Variants in DLG2 observed in about 807,000 individuals in gnomAD.
DLG2 encodes discs large MAGUK scaffold protein 2.
Under a neutral mutation model 132.5 loss-of-function variants are expected in DLG2, and 45 were observed. That is an observed-to-expected ratio of 0.34 (90% CI 0.27 to 0.44). The LOEUF (loss-of-function observed/expected upper bound fraction) is 0.44. DLG2 is among the 20% of genes least tolerant of loss of function. DLG2 has a pLI of 1.00. For synonymous variants in DLG2, 424 were observed against 419.6 expected (o/e 1.01, Z -0.13); for missense variants, 1,045 against 1,196.9 (o/e 0.87, Z 1.87).
chr11:84,923,644 C>T, intron 6 of DLG2: 3 of 958,578 alleles, frequency 3.1e-6, no homozygotes, highest in Non-Finnish European at 3.7e-6. Context: ...CACTATATTC[C>T]AGGCTATTCT....
chr11:83,786,492 G>T (rs768600065), intron 18 of DLG2, 198 bp downstream of exon 18: 17 of 538,122 alleles, frequency 3.2e-5, no homozygotes, highest in Admixed American at 6.1e-5. Flanking sequence ...CTTTCTAACT[G>T]CTTGATATTT....
rs537183400 is a variant in DLG2, at chr11:85,603,480, C to T, written c.-92-4692G>A. On this transcript the variant is annotated intron_variant, in intron 2 of 27. Transcript: ENST00000376104. ...TCATTTCCTCATTAAAGTCTGCCGA[C>T]ATTTTTCGGGAAACCTACAAGTGCT... Among the ~76,000 whole-genome samples the T allele has an allele frequency of 7.2e-5, 11 of 151,974 alleles. 1 individual carries two copies. The highest frequency in any genetic ancestry group is 2.4e-4 in the African/African-American group (10 of 41,488).
intron 6 of DLG2, among the ~76,000 whole-genome samples, chr11:84,844,129 G>GTA (rs1566125279): frequency 8.1e-4 from 21 of 25,938 alleles, no homozygotes; most frequent in African/African-American, 2.2e-3. Context: ...GTGTGTGTGT[G>GTA]TGTGTGTATA....
At chr11:83,624,010 G>A (rs1217347884) in intron 19 of DLG2, among the ~76,000 whole-genome samples, 3 of 152,218 alleles carry the variant, frequency 2.0e-5, no homozygotes, top group Admixed American at 1.3e-4. Context: ...GAGATTTCTG[G>A]AAATATGATT....
chr11:85,219,534 G>C (rs2082869240), intron 4 of DLG2, among the ~76,000 whole-genome samples: 1 of 151,804 alleles, frequency 6.6e-6, no homozygotes, highest in African/African-American at 2.4e-5. Context: ...GAGGGTTCTA[G>C]AGGAGGATAT....
intron 7 of DLG2, among the ~76,000 whole-genome samples, chr11:84,371,255 A>G (rs2098705199): frequency 7.1e-6 from 1 of 141,692 alleles, no homozygotes; most frequent in Admixed American, 6.8e-5. Flanking sequence ...GTAGTATACA[A>G]AATCTTTTTT....
At chr11:85,408,788 G>T (rs1354187837) in intron 3 of DLG2, among the ~76,000 whole-genome samples, 5 of 151,422 alleles carry the variant, frequency 3.3e-5, no homozygotes, top group African/African-American at 1.2e-4. Context: ...TCTTAATCCA[G>T]TCTATCATTG....
intron 4 of DLG2, among the ~76,000 whole-genome samples, chr11:85,179,793 A>G (rs1211313541): frequency 6.6e-6 from 1 of 151,966 alleles, no homozygotes. Context: ...AGCAAACTGA[A>G]CAACATAAAT....
intron 10 of DLG2, among the ~76,000 whole-genome samples, chr11:84,060,220 G>A (rs1323593349): frequency 1.3e-5 from 2 of 152,130 alleles, no homozygotes; most frequent in African/African-American, 4.8e-5. Flanking sequence ...GCTGAGAAAA[G>A]AGAATTGCTT....
intron 18 of DLG2, among the ~76,000 whole-genome samples, chr11:83,745,302 C>T (rs1242293732): frequency 6.6e-6 from 1 of 152,188 alleles, no homozygotes; most frequent in Non-Finnish European, 1.5e-5. Flanking sequence ...CTATGCAACA[C>T]TATCCTTGAA....
At chr11:84,190,700 A>T (rs931630481) in intron 8 of DLG2, among the ~76,000 whole-genome samples, 1 of 152,190 alleles carries the variant, frequency 6.6e-6, no homozygotes, top group Non-Finnish European at 1.5e-5. Flanking sequence ...GGCATTTCCT[A>T]TTAGGAGATG....
At chr11:85,054,261 C>CT (rs1173363749) in intron 6 of DLG2, among the ~76,000 whole-genome samples, 1 of 147,130 alleles carries the variant, frequency 6.8e-6, no homozygotes, top group African/African-American at 2.5e-5. Flanking sequence ...GAGATTCCAC[C>CT]TAAAAAAAAA....
chr11:83,792,387 T>C (rs1014659942), intron 17 of DLG2, among the ~76,000 whole-genome samples: 3 of 152,134 alleles, frequency 2.0e-5, no homozygotes. Context: ...TGTACTGATA[T>C]GAAAAATAAA....
rs574809697 is a variant in DLG2 at position 84,587,755 on chromosome 11, T to A, written c.358-53024A>T. On this transcript the variant is annotated intron_variant, in intron 6 of 27. Coordinates refer to ENST00000376104, the MANE Select transcript of DLG2 (RefSeq NM_001142699.3). ...AGAATTTAGCTTTCACTCCTATGAA[T>A]CTAAAGAACTCCATGAAAACCTTGC... Among the ~76,000 whole-genome samples the A allele has an allele frequency of 4.6e-5, 7 of 152,260 alleles. No individual in the cohort carries two copies. In the South Asian group the frequency reaches 1.4e-3, roughly 32 times the overall value.
chr11:85,388,971 C>A (rs563436209), intron 3 of DLG2, among the ~76,000 whole-genome samples: 8 of 152,216 alleles, frequency 5.3e-5, no homozygotes, highest in African/African-American at 1.4e-4. Flanking sequence ...ATCACAATAG[C>A]TCATCAGCAA....
At chr11:85,205,411 A>G (rs1453229613) in intron 4 of DLG2, among the ~76,000 whole-genome samples, 1 of 152,012 alleles carries the variant, frequency 6.6e-6, no homozygotes, top group African/African-American at 2.4e-5. Flanking sequence ...GGTTGAAGAG[A>G]AGCTGGTAAA....
At chr11:84,323,770 G>A (rs2098417467) in intron 7 of DLG2, among the ~76,000 whole-genome samples, 1 of 138,150 alleles carries the variant, frequency 7.2e-6, no homozygotes, top group Non-Finnish European at 1.5e-5. Flanking sequence ...GGTGTGAGGT[G>A]ATACCTCATT....
chr11:84,080,889 G>A (rs1399241517), intron 10 of DLG2, among the ~76,000 whole-genome samples: 1 of 151,704 alleles, frequency 6.6e-6, no homozygotes, highest in African/African-American at 2.4e-5. Context: ...CTTCTCAGGA[G>A]GCTGAGGCAG....
intron 19 of DLG2, among the ~76,000 whole-genome samples, chr11:83,620,765 G>C (rs993108991): frequency 1.3e-5 from 2 of 148,736 alleles, no homozygotes; most frequent in African/African-American, 5.0e-5. Context: ...AGCTACTTGG[G>C]AGGCTGAGGC....
Sources: gnomAD v4.1 joint callset for allele counts (sites outside exome capture counted in the v4.1 genomes callset) on GRCh38, gnomAD v4.1.1 for gene constraint, MANE v1.5 for transcripts, NCBI Gene and HGNC (gene_info 2026-07-23, HGNC 2026-07-21) for gene names.